CSTPP1: variants seen among roughly 807,000 people sequenced by gnomAD.
CSTPP1 encodes UPF0705 protein C11orf49.
the CSTPP1 span, among the ~76,000 whole-genome samples, chr11:47,098,234 C>T: frequency 1.4e-5 from 2 of 140,424 alleles, no homozygotes; most frequent in African/African-American, 5.3e-5. Context: ...TATCTGCTGA[C>T]CTTCCCTCCA....
At chr11:47,161,211 T>C in the CSTPP1 span, 16 of 1,614,162 alleles carry the variant, frequency 9.9e-6, no homozygotes, top group Non-Finnish European at 1.3e-5. Context: ...AGTGGGAGGA[T>C]ACTGCCCCCT....
the CSTPP1 span, chr11:47,137,495 G>T: frequency 6.6e-7 from 1 of 1,506,486 alleles, no homozygotes; most frequent in East Asian, 2.4e-5. Context: ...CTCACACCTG[G>T]AGGTTAGAGA....
At chr11:47,153,186 G>A in the CSTPP1 span, among the ~76,000 whole-genome samples, 2 of 152,270 alleles carry the variant, frequency 1.3e-5, no homozygotes, top group African/African-American at 4.8e-5. Context: ...CTGCTGCCTG[G>A]GTTTTCCTTG....
At chr11:47,084,212 T>C in the CSTPP1 span, among the ~76,000 whole-genome samples, 1 of 152,238 alleles carries the variant, frequency 6.6e-6, no homozygotes, top group Non-Finnish European at 1.5e-5. Context: ...TCTTCCTTTG[T>C]GAAGTGTCTC....
chr11:46,960,200 A>G, the CSTPP1 span, among the ~76,000 whole-genome samples: 1 of 152,080 alleles, frequency 6.6e-6, no homozygotes, highest in African/African-American at 2.4e-5. Context: ...GAGTCTCAAT[A>G]TATTGCCCAG....
At chr11:47,163,712 G>A in the CSTPP1 span, among the ~76,000 whole-genome samples, 1 of 152,078 alleles carries the variant, frequency 6.6e-6, no homozygotes, top group Non-Finnish European at 1.5e-5. Flanking sequence ...GCGCGATCTA[G>A]TCTCACTGCA....
chr11:46,993,568 T>A, the CSTPP1 span, among the ~76,000 whole-genome samples: 1 of 152,114 alleles, frequency 6.6e-6, no homozygotes, highest in Non-Finnish European at 1.5e-5. Context: ...GTCAGGTTTG[T>A]CAAAGATCAG....
chr11:47,038,604 G>A, the CSTPP1 span, among the ~76,000 whole-genome samples: 63 of 99,112 alleles, frequency 6.4e-4, no homozygotes, highest in Middle Eastern at 7.8e-3. Flanking sequence ...CCTCCCTCCC[G>A]GACTGGGAGG....
chr11:46,974,247 G>C, the CSTPP1 span, among the ~76,000 whole-genome samples: 3 of 152,118 alleles, frequency 2.0e-5, no homozygotes, highest in East Asian at 3.9e-4. Flanking sequence ...AATGAAACAG[G>C]CCTGGCGCAG....
At chr11:47,163,184 A>C in the CSTPP1 span, among the ~76,000 whole-genome samples, 1 of 151,676 alleles carries the variant, frequency 6.6e-6, no homozygotes, top group African/African-American at 2.4e-5. Flanking sequence ...AAAAAAAAAA[A>C]AAAAAAAAAG....
At chr11:47,037,377 A>G in the CSTPP1 span, among the ~76,000 whole-genome samples, 2 of 81,482 alleles carry the variant, frequency 2.5e-5, no homozygotes, top group African/African-American at 9.6e-5. Context: ...TCTGGCAACA[A>G]TTATTATTAT....
At chr11:47,079,931 T>TA in the CSTPP1 span, among the ~76,000 whole-genome samples, 2 of 151,094 alleles carry the variant, frequency 1.3e-5, no homozygotes, top group Non-Finnish European at 2.9e-5. Flanking sequence ...CCGTCTCTAT[T>TA]AAAAATACAA....
the CSTPP1 span, among the ~76,000 whole-genome samples, chr11:47,058,831 G>A: frequency 2.0e-5 from 3 of 152,288 alleles, no homozygotes; most frequent in Admixed American, 2.0e-4. Flanking sequence ...GCTTCAGCGT[G>A]TTATGCATCA....
chr11:47,009,282 C>T, the CSTPP1 span, among the ~76,000 whole-genome samples: 1 of 152,060 alleles, frequency 6.6e-6, no homozygotes, highest in Non-Finnish European at 1.5e-5. Context: ...GTCTGAATTA[C>T]CTACTCTACT....
At chr11:47,143,503 A>G in the CSTPP1 span, among the ~76,000 whole-genome samples, 1 of 152,216 alleles carries the variant, frequency 6.6e-6, no homozygotes, top group Non-Finnish European at 1.5e-5. Context: ...GTGTCTCCAC[A>G]TGCGCCTGCC....
the CSTPP1 span, chr11:47,160,702 C>CCAT: frequency 6.4e-6 from 1 of 156,288 alleles, no homozygotes; most frequent in African/African-American, 2.4e-5. Flanking sequence ...TTTTTTTTAA[C>CCAT]CATCTGTCTC....
the CSTPP1 span, among the ~76,000 whole-genome samples, chr11:46,956,875 CTG>C: frequency 3.3e-5 from 5 of 151,284 alleles, no homozygotes; most frequent in African/African-American, 9.7e-5. Flanking sequence ...TTTATTATGA[CTG>C]TGAAAATTAT....
chr11:46,936,977 C>G, the CSTPP1 span: 1 of 1,090,804 alleles, frequency 9.2e-7, no homozygotes, highest in Non-Finnish European at 1.2e-6. Context: ...GGCGGAGAGG[C>G]GGGGGTTCCA....
At chr11:47,006,578 C>G in the CSTPP1 span, among the ~76,000 whole-genome samples, 1 of 151,114 alleles carries the variant, frequency 6.6e-6, no homozygotes, top group South Asian at 2.1e-4. Context: ...TACTCTCTCT[C>G]TGTCTCTGTC....
Sources: gnomAD v4.1 joint callset for allele counts (sites outside exome capture counted in the v4.1 genomes callset) on GRCh38, gnomAD v4.1.1 for gene constraint, MANE v1.5 for transcripts, NCBI Gene and HGNC (gene_info 2026-07-23, HGNC 2026-07-21) for gene names.